MKLN1: variants seen among roughly 807,000 people sequenced by gnomAD.
MKLN1 encodes the protein muskelin.
In MKLN1, 18 loss-of-function variants were observed where a neutral mutation model predicts 99.0. The observed-to-expected ratio is 0.18, with a 90% CI of 0.13 to 0.27. MKLN1 has a LOEUF of 0.27. Among genes scored for constraint, MKLN1 ranks in the 10% least tolerant of loss-of-function variants. The pLI is 1.00. For missense variants in MKLN1, 621 were observed against 875.9 expected (o/e 0.71, Z 3.67); for synonymous variants, 288 against 293.2 (o/e 0.98, Z 0.18).
intron 1 of MKLN1, among the ~76,000 whole-genome samples, chr7:131,335,400 A>G: frequency 6.6e-6 from 1 of 152,260 alleles, no homozygotes; most frequent in East Asian, 1.9e-4. Flanking sequence ...ATACAAAGAG[A>G]AAGGAAATAT....
intron 3 of MKLN1, among the ~76,000 whole-genome samples, chr7:131,300,687 C>CCA (rs1798364426): frequency 8.4e-6 from 1 of 118,748 alleles, no homozygotes; most frequent in Non-Finnish European, 1.7e-5. Context: ...GACCCTGTCT[C>CCA]AAAAAAAAAA....
rs1215682563 is a variant in MKLN1 at position 131,374,267 on chromosome 7, T to C, written c.99-1157T>C. Reference sequence around the variant, plus strand: ...GAGAGTGGTATGTGGAAACATACCATTGTGGAAATACCAGGGTGCGGTGCT... The same window carrying C: ...GAGAGTGGTATGTGGAAACATACCACTGTGGAAATACCAGGGTGCGGTGCT... On this transcript the variant is annotated intron_variant, in intron 1 of 17. Coordinates refer to ENST00000352689, the MANE Select transcript of MKLN1 (RefSeq NM_013255.5). Among the ~76,000 whole-genome samples the C allele has an allele frequency of 3.3e-5, 5 of 152,264 alleles. No individual in the cohort carries two copies. The East Asian group carries it at 7.7e-4, about 23-fold the overall frequency.
chr7:131,298,083 A>C (rs1467080906), intron 3 of MKLN1, among the ~76,000 whole-genome samples: 1 of 151,994 alleles, frequency 6.6e-6, no homozygotes, highest in East Asian at 1.9e-4. Flanking sequence ...GGAGATCGAG[A>C]CCACGGTGAA....
At chr7:131,141,482 C>T (rs1485771709) in intron 1 of MKLN1, among the ~76,000 whole-genome samples, 1 of 152,226 alleles carries the variant, frequency 6.6e-6, no homozygotes, top group Non-Finnish European at 1.5e-5. Flanking sequence ...GATTCTACCT[C>T]CTCGAGAATG....
At chr7:131,249,395 T>C (rs755485124) in intron 3 of MKLN1, among the ~76,000 whole-genome samples, 4 of 152,214 alleles carry the variant, frequency 2.6e-5, no homozygotes, top group East Asian at 1.9e-4. Flanking sequence ...TGGAGGATGA[T>C]TGGCACCCAA....
intron 1 of MKLN1, among the ~76,000 whole-genome samples, chr7:131,121,437 C>T (rs1047380669): frequency 1.6e-4 from 24 of 152,046 alleles, no homozygotes; most frequent in African/African-American, 5.8e-4. Context: ...ATTACCCAGC[C>T]TCCATCCTGG....
intron 3 of MKLN1, among the ~76,000 whole-genome samples, chr7:131,254,300 C>A (rs773696592): frequency 6.6e-5 from 10 of 152,150 alleles, no homozygotes; most frequent in Non-Finnish European, 1.3e-4. Context: ...AACAGTAAGT[C>A]CTGGGTTGGA....
chr7:131,469,941 T>TC (rs1796772285), intron 15 of MKLN1, among the ~76,000 whole-genome samples: 1 of 149,788 alleles, frequency 6.7e-6, no homozygotes, highest in Admixed American at 6.7e-5. Flanking sequence ...AGTGGTACAA[T>TC]CATGGCTCAC....
At chr7:131,268,528 T>C (rs1563273192) in intron 3 of MKLN1, among the ~76,000 whole-genome samples, 1 of 152,202 alleles carries the variant, frequency 6.6e-6, no homozygotes, top group Non-Finnish European at 1.5e-5. Flanking sequence ...AATTCAAGCA[T>C]ATAACCTTCT....
chr7:131,434,121 G>A (rs543592727), intron 9 of MKLN1, among the ~76,000 whole-genome samples: 1 of 152,016 alleles, frequency 6.6e-6, no homozygotes, highest in Non-Finnish European at 1.5e-5. Context: ...CCTGACCTCA[G>A]GTGATCCACC....
chr7:131,272,027 G>A (rs908585929), intron 3 of MKLN1, among the ~76,000 whole-genome samples: 2 of 137,646 alleles, frequency 1.5e-5, no homozygotes, highest in African/African-American at 5.7e-5. Context: ...ACCAGTTCTC[G>A]TTAGTGGAAT....
chr7:131,298,647 T>C (rs1485066017), intron 3 of MKLN1, among the ~76,000 whole-genome samples: 1 of 152,236 alleles, frequency 6.6e-6, no homozygotes, highest in East Asian at 1.9e-4. Flanking sequence ...AACACGCCTG[T>C]CTTTGTAGAT....
intron 1 of MKLN1, among the ~76,000 whole-genome samples, chr7:131,136,724 C>T (rs953768470): frequency 1.3e-5 from 2 of 152,182 alleles, no homozygotes; most frequent in South Asian, 2.1e-4. Flanking sequence ...CATGTCCTGC[C>T]GTTCTCCAAA....
chr7:131,394,088 CTT>C (rs562786017), intron 4 of MKLN1, among the ~76,000 whole-genome samples: 2 of 151,556 alleles, frequency 1.3e-5, no homozygotes, highest in East Asian at 1.9e-4. Flanking sequence ...AGTAGATAAA[CTT>C]TTAAATGACA....
At chr7:131,138,496 T>C (rs1795684995) in intron 1 of MKLN1, among the ~76,000 whole-genome samples, 2 of 152,224 alleles carry the variant, frequency 1.3e-5, no homozygotes, top group Non-Finnish European at 2.9e-5. Flanking sequence ...TAGCCCTTAC[T>C]AGTATTTACA....
chr7:131,162,557 A>G (rs115174537), intron 2 of MKLN1, among the ~76,000 whole-genome samples: 2,603 of 152,296 alleles, frequency 0.017, 87 homozygotes, highest in African/African-American at 0.06. Context: ...TATTAACAGT[A>G]TTATATAAAA....
intron 1 of MKLN1, among the ~76,000 whole-genome samples, chr7:131,372,914 C>T (rs1793511313): frequency 6.6e-6 from 1 of 151,648 alleles, no homozygotes; most frequent in Non-Finnish European, 1.5e-5. Flanking sequence ...CCCTTCCCTA[C>T]CTTCTTTCTT....
chr7:131,343,628 G>A (rs1799472494), intron 1 of MKLN1, among the ~76,000 whole-genome samples: 2 of 152,026 alleles, frequency 1.3e-5, no homozygotes, highest in South Asian at 4.1e-4. Context: ...AAGATAACAA[G>A]CACTTATCAC....
chr7:131,380,329 A>G (rs1793806434), intron 2 of MKLN1, among the ~76,000 whole-genome samples: 1 of 152,188 alleles, frequency 6.6e-6, no homozygotes, highest in African/African-American at 2.4e-5. Context: ...TAGGAGTTTC[A>G]GATACAAGTC....
Sources: allele counts gnomAD v4.1 joint callset (sites outside exome capture counted in the v4.1 genomes callset), GRCh38; gene constraint gnomAD v4.1.1; transcripts MANE v1.5; gene names NCBI Gene and HGNC (gene_info 2026-07-23, HGNC 2026-07-21).